Variants in GRIP1 observed in about 807,000 individuals in gnomAD.
The protein encoded by GRIP1 is glutamate receptor interacting protein 1.
Under a neutral mutation model 129.9 loss-of-function variants are expected in GRIP1, and 45 were observed. The observed-to-expected ratio is 0.35, with a 90% CI of 0.27 to 0.44. The LOEUF is 0.44. GRIP1 is among the 20% of genes least tolerant of loss of function. The pLI is 1.00. For missense variants in GRIP1, 1,196 were observed against 1,396.8 expected, an observed-to-expected ratio of 0.86 and a Z score of 2.29; for synonymous variants, 530 against 520.8, an observed-to-expected ratio of 1.02 and a Z score of -0.24.
Position 66,465,332 on chromosome 12 carries a change from C to G in GRIP1, c.815G>C (p.Cys272Ser). 1 of 1,613,800 alleles carries G rather than the reference C, an allele frequency of 6.2e-7. No individual in the cohort carries two copies. Among genetic ancestry groups the G allele is most frequent in the Non-Finnish European group, 8.5e-7 (1 of 1,179,678 alleles). The change falls in exon 8 of 25, where the codon TGC becomes TCC. Residue 272 changes from cysteine to serine, a missense_variant. Coordinates refer to ENST00000359742, the MANE Select transcript of GRIP1 (RefSeq NM_001366722.1). ...TATGACAATGACTTGTTTGTTACAGCACATCGAGGTAGTTAGGGCAACCCC... is the reference window on the plus strand; with the variant it reads ...TATGACAATGACTTGTTTGTTACAGGACATCGAGGTAGTTAGGGCAACCCC... Reference protein sequence around the residue: ...SLGVALTTSMCCNKQVIVIDK... With the variant: ...SLGVALTTSMSCNKQVIVIDK...
intron 19 of GRIP1, among the ~76,000 whole-genome samples, chr12:66,382,585 T>G (rs536149027): frequency 6.6e-6 from 1 of 152,242 alleles, no homozygotes; most frequent in South Asian, 2.1e-4. Context: ...CAGATGCCCA[T>G]TGTTACTATA....
At chr12:66,628,973 G>A (rs1335337289) in intron 1 of GRIP1, among the ~76,000 whole-genome samples, 2 of 152,188 alleles carry the variant, frequency 1.3e-5, no homozygotes, top group African/African-American at 4.8e-5. Context: ...ACACTCACAA[G>A]TAGTAGCTAC....
At chr12:66,842,736 T>C (rs1054534232) in intron 1 of GRIP1, among the ~76,000 whole-genome samples, 2 of 152,188 alleles carry the variant, frequency 1.3e-5, no homozygotes, top group Non-Finnish European at 2.9e-5. Flanking sequence ...GTTGAGCATA[T>C]AATGGATACT....
At chr12:66,954,223 T>G (rs1339778376) in intron 1 of GRIP1, among the ~76,000 whole-genome samples, 2 of 152,220 alleles carry the variant, frequency 1.3e-5, no homozygotes, top group Non-Finnish European at 2.9e-5. Context: ...ACATCGCTAT[T>G]AGGTTCCATC....
At chr12:66,982,947 G>C (rs931259244) in intron 1 of GRIP1, among the ~76,000 whole-genome samples, 5 of 152,174 alleles carry the variant, frequency 3.3e-5, no homozygotes, top group Admixed American at 2.0e-4. Context: ...GAAGTTTAAT[G>C]AATATGGCTA....
In GRIP1 at chr12:66,444,630, A is replaced by C; in HGVS notation, c.1641T>G (p.Ser547=). ...FEEASQLLRD[S]SITSKVTLEI... ...CCAGTGTGACCTTGCTCGTGATTGAAGAGTCTCGGAGGAGCTGACTGGCTT... is the reference window on the plus strand; with the variant it reads ...CCAGTGTGACCTTGCTCGTGATTGACGAGTCTCGGAGGAGCTGACTGGCTT... The change falls in exon 13 of 25, where the codon TCT becomes TCG. Residue 547 remains serine (S), a synonymous_variant. Coordinates refer to ENST00000359742, the MANE Select transcript of GRIP1 (RefSeq NM_001366722.1). 6.2e-7 allele frequency: 1 copy of C among 1,614,128 alleles called. No individual in the cohort carries two copies. The highest frequency in any genetic ancestry group is 2.2e-5 in the East Asian group (1 of 44,884).
At chr12:66,897,118 T>C (rs185062751) in intron 1 of GRIP1, among the ~76,000 whole-genome samples, 13 of 152,246 alleles carry the variant, frequency 8.5e-5, no homozygotes, top group African/African-American at 2.6e-4. Context: ...ATGTGAACAA[T>C]AATAAACAGT....
At chr12:66,710,582 T>C (rs1331138037) in intron 1 of GRIP1, among the ~76,000 whole-genome samples, 1 of 151,996 alleles carries the variant, frequency 6.6e-6, no homozygotes, top group Non-Finnish European at 1.5e-5. Flanking sequence ...AGGAAACCAA[T>C]GCACTTTCCT....
intron 1 of GRIP1, among the ~76,000 whole-genome samples, chr12:66,698,402 G>A (rs2035237313): frequency 6.6e-6 from 1 of 152,160 alleles, no homozygotes; most frequent in Admixed American, 6.5e-5. Context: ...AGTAAAAGCT[G>A]TACCTGTGCC....
chr12:66,676,123 A>G (rs1199506916), intron 1 of GRIP1, among the ~76,000 whole-genome samples: 1 of 152,216 alleles, frequency 6.6e-6, no homozygotes, highest in Non-Finnish European at 1.5e-5. Flanking sequence ...GTTCAATAAT[A>G]TATTCATTTT....
intron 1 of GRIP1, among the ~76,000 whole-genome samples, chr12:67,011,635 C>T (rs1313084444): frequency 6.6e-6 from 1 of 151,716 alleles, no homozygotes; most frequent in Non-Finnish European, 1.5e-5. Context: ...TCCTTCAGGG[C>T]CCAACTTAAA....
At chr12:66,986,709 A>G (rs1366113751) in intron 1 of GRIP1, among the ~76,000 whole-genome samples, 1 of 144,488 alleles carries the variant, frequency 6.9e-6, no homozygotes, top group African/African-American at 2.5e-5. Flanking sequence ...GGATAGCATT[A>G]GGAGATATAC....
chr12:66,383,299 A>AAACAACAACAACAAC (rs59263648), intron 19 of GRIP1, among the ~76,000 whole-genome samples: 26 of 141,416 alleles, frequency 1.8e-4, no homozygotes, highest in East Asian at 6.5e-4. Flanking sequence ...TCTGTCTCAA[A>AAACAACAACAACAAC]AACAACAACA....
rs17102908 is a variant in GRIP1 at position 66,781,087 on chromosome 12, G to A, written c.-420+22966C>T. On this transcript the variant is annotated intron_variant, in intron 1 of 4. Coordinates refer to the GRIP1 transcript ENST00000538373. ...GGGAGTTTGTTACCCAGCAGGTAACGGCGATACCACAGTTTTAATTAAATA... is the reference window on the plus strand; with the variant it reads ...GGGAGTTTGTTACCCAGCAGGTAACAGCGATACCACAGTTTTAATTAAATA... Among the ~76,000 whole-genome samples the A allele has an allele frequency of 6.1e-3, 927 of 152,246 alleles. 28 individuals are homozygous for A. Among genetic ancestry groups the A allele is most frequent in the East Asian group, 0.042 (216 of 5,174 alleles).
intron 1 of GRIP1, among the ~76,000 whole-genome samples, chr12:66,930,404 A>G (rs974953334): frequency 6.7e-5 from 10 of 150,238 alleles, no homozygotes; most frequent in Non-Finnish European, 1.5e-4. Flanking sequence ...GTGATTTCCA[A>G]TTTCATCCAT....
intron 15 of GRIP1, among the ~76,000 whole-genome samples, chr12:66,418,593 GAAA>G (rs892585913): frequency 6.6e-6 from 1 of 151,862 alleles, no homozygotes; most frequent in African/African-American, 2.4e-5. Flanking sequence ...AAGTCTATAG[GAAA>G]AAACAATCTA....
At chr12:66,584,270 G>T (rs1447398745) in intron 2 of GRIP1, among the ~76,000 whole-genome samples, 1 of 150,852 alleles carries the variant, frequency 6.6e-6, no homozygotes, top group Non-Finnish European at 1.5e-5. Flanking sequence ...GGGTGGGGGA[G>T]GTGGGAGGGA....
At chr12:66,646,460 T>C (rs563823191) in intron 1 of GRIP1, among the ~76,000 whole-genome samples, 5 of 152,180 alleles carry the variant, frequency 3.3e-5, no homozygotes, top group African/African-American at 4.8e-5. Flanking sequence ...TCCGTCTCTA[T>C]GAAAAATACA....
chr12:66,604,344 T>C (rs113943551), intron 1 of GRIP1, among the ~76,000 whole-genome samples: 20 of 152,352 alleles, frequency 1.3e-4, no homozygotes, highest in African/African-American at 4.3e-4. Flanking sequence ...GGCATTCCTA[T>C]TCCTAATGTG....
Sources: gnomAD v4.1 joint callset for allele counts (sites outside exome capture counted in the v4.1 genomes callset) on GRCh38, gnomAD v4.1.1 for gene constraint, MANE v1.5 for transcripts, NCBI Gene and HGNC (gene_info 2026-07-23, HGNC 2026-07-21) for gene names.